Variants in BCAS3 observed in about 807,000 individuals in gnomAD.
BCAS3 encodes the protein BCAS3 microtubule associated cell migration factor, also known as BCAS4/BCAS3 fusion.
A neutral mutation model predicts 116.1 loss-of-function variants in BCAS3; 53 were observed. The observed-to-expected ratio is 0.46, with a 90% CI of 0.37 to 0.57. The LOEUF (loss-of-function observed/expected upper bound fraction) is 0.57. BCAS3 is among the 20% of genes least tolerant of loss of function. BCAS3 has a pLI of 0.00. For missense variants in BCAS3, 917 were observed against 1,165.4 expected, an observed-to-expected ratio of 0.79 and a Z score of 3.10; for synonymous variants, 391 against 408.2, an observed-to-expected ratio of 0.96 and a Z score of 0.51.
intron 13 of BCAS3, among the ~76,000 whole-genome samples, chr17:60,942,873 T>C (rs2060297732): frequency 2.0e-5 from 3 of 152,100 alleles, no homozygotes; most frequent in African/African-American, 7.2e-5. Flanking sequence ...GTAGAAACCA[T>C]CCTTCCCATA....
At chr17:61,048,528 A>G (rs2068553363) in intron 19 of BCAS3, among the ~76,000 whole-genome samples, 1 of 152,014 alleles carries the variant, frequency 6.6e-6, no homozygotes, top group African/African-American at 2.4e-5. Flanking sequence ...GGTGTCGGCA[A>G]ATTACCATGT....
intron 7 of BCAS3, 157 bp downstream of exon 7, chr17:60,808,233 A>T (rs1359442147): frequency 1.8e-6 from 1 of 563,288 alleles, no homozygotes; most frequent in Non-Finnish European, 3.1e-6. Context: ...TTCCAACAGT[A>T]AATGACATTT....
At chr17:60,736,892 C>T (rs1437662009) in intron 5 of BCAS3, among the ~76,000 whole-genome samples, 5 of 130,488 alleles carry the variant, frequency 3.8e-5, no homozygotes, top group East Asian at 5.1e-4. Context: ...CTCCCTCCCT[C>T]CCTCCCTTCC....
chr17:60,715,548 G>C (rs758824033), intron 5 of BCAS3, among the ~76,000 whole-genome samples: 24 of 151,926 alleles, frequency 1.6e-4, no homozygotes, highest in Non-Finnish European at 3.4e-4. Context: ...GAGTGCAGTA[G>C]CGCAATCTCA....
chr17:60,829,521 G>A (rs1473660486), intron 7 of BCAS3, among the ~76,000 whole-genome samples: 2 of 151,480 alleles, frequency 1.3e-5, no homozygotes, highest in Non-Finnish European at 1.5e-5. Flanking sequence ...AGAGAAGGTA[G>A]TTAGATAAAG....
intron 22 of BCAS3, among the ~76,000 whole-genome samples, chr17:61,184,111 T>C (rs2079630579): frequency 6.6e-6 from 1 of 152,174 alleles, no homozygotes; most frequent in African/African-American, 2.4e-5. Context: ...GACATTTTAG[T>C]TGATGGAAAA....
At chr17:61,345,253 C>T (rs753078479) in intron 22 of BCAS3, among the ~76,000 whole-genome samples, 4 of 152,208 alleles carry the variant, frequency 2.6e-5, no homozygotes, top group African/African-American at 7.2e-5. Context: ...ACTCCGCTTC[C>T]GCTATGCCTG....
At position 61,118,412 on chromosome 17, in the gene BCAS3, C is replaced by A. The variant is rs927779500; in HGVS notation, c.2425+33848C>A. ...GAGAAGGAGTGGTGCCTCCTTACTGCCAAGCAGGGGTGAAAATCCAGACTC... is the reference window on the plus strand; with the variant it reads ...GAGAAGGAGTGGTGCCTCCTTACTGACAAGCAGGGGTGAAAATCCAGACTC... On this transcript the variant is annotated intron_variant, in intron 22 of 23. Coordinates refer to ENST00000407086, the MANE Select transcript of BCAS3 (RefSeq NM_017679.5). This position sits in a 1 kb window ranked among gnomAD's most constrained non-coding sequence, Gnocchi z 5.0. 7.2e-5 allele frequency among the ~76,000 whole-genome samples: 11 copies of A among 152,206 alleles called. No homozygotes were observed. Among genetic ancestry groups the A allele is most frequent in the Non-Finnish European group, 1.2e-4 (8 of 68,028 alleles).
intron 22 of BCAS3, among the ~76,000 whole-genome samples, chr17:61,191,028 C>A (rs375517336): frequency 6.6e-6 from 1 of 151,858 alleles, no homozygotes; most frequent in Non-Finnish European, 1.5e-5. Flanking sequence ...CTATGCATCA[C>A]CACTGTACTC....
At chr17:61,185,916 C>G (rs989490585) in intron 22 of BCAS3, among the ~76,000 whole-genome samples, 1 of 152,106 alleles carries the variant, frequency 6.6e-6, no homozygotes, top group Non-Finnish European at 1.5e-5. Flanking sequence ...CATTTTTCCT[C>G]TTATCCTCAA....
chr17:61,049,756 G>T (rs965945358), intron 19 of BCAS3, among the ~76,000 whole-genome samples: 3 of 139,300 alleles, frequency 2.2e-5, no homozygotes, highest in African/African-American at 8.4e-5. Context: ...TTTTGAGACG[G>T]AGTTTCACTC....
chr17:61,044,465 A>AAAAATATATATATAT lies in BCAS3; in HGVS notation c.2029+3574_2029+3575insAAATATATATATATA. Among the ~76,000 whole-genome samples the AAAAATATATATATAT allele has an allele frequency of 2.3e-4, 28 of 120,114 alleles. 2 individuals are homozygous for AAAAATATATATATAT. Among genetic ancestry groups the AAAAATATATATATAT allele is most frequent in the African/African-American group, 1.2e-3 (25 of 20,050 alleles). The allele number at this position is 120,114 out of a possible 152,430, so 78.8% of individuals were successfully genotyped here. A position where few individuals can be genotyped will look rare whatever the true frequency, so the allele number is the denominator to read the frequency against. On this transcript the variant is annotated intron_variant, in intron 19 of 23. Transcript: ENST00000407086. ...CTGTCTCAAAAAAAAAAAAAAAAAAAATATATATATATATGCCATAAGAAC... is the reference window on the plus strand; with the variant it reads ...CTGTCTCAAAAAAAAAAAAAAAAAAAAAAATATATATATATATATATATATATATGCCATAAGAAC...
intron 6 of BCAS3, among the ~76,000 whole-genome samples, chr17:60,794,035 G>A (rs993780312): frequency 3.9e-5 from 6 of 152,144 alleles, no homozygotes; most frequent in African/African-American, 1.4e-4. Flanking sequence ...CAGTGTAGAA[G>A]TGTTCCCTGA....
chr17:61,207,118 C>G (rs1248533662), intron 22 of BCAS3, among the ~76,000 whole-genome samples: 1 of 152,234 alleles, frequency 6.6e-6, no homozygotes, highest in African/African-American at 2.4e-5. Context: ...TGAACTCTTG[C>G]AGTGTGCCAA....
chr17:61,152,834 A>G (rs1335904993), intron 22 of BCAS3, among the ~76,000 whole-genome samples: 3 of 152,176 alleles, frequency 2.0e-5, no homozygotes, highest in African/African-American at 4.8e-5. Context: ...GCTTACCCCA[A>G]CTGGGGCAAA....
rs971210078 is a variant in BCAS3, at chr17:61,259,377, G to C, written c.2426-108950G>C. Among the ~76,000 whole-genome samples, 4 of 152,114 alleles carry C rather than the reference G, an allele frequency of 2.6e-5. No homozygotes were observed. The highest frequency in any genetic ancestry group is 7.2e-5 in the African/African-American group (3 of 41,422). ...TGGTCAGGGTTCCAGTATGGTTTGT[G>C]CTTTTGTTCCTTCTTGGAGTCCAGC... On this transcript the variant is annotated intron_variant, in intron 22 of 23. Transcript: ENST00000407086. This position sits in a 1 kb window ranked among gnomAD's most constrained non-coding sequence, Gnocchi z 4.7.
chr17:60,806,957 C>T (rs1395938824), intron 6 of BCAS3, among the ~76,000 whole-genome samples: 2 of 152,068 alleles, frequency 1.3e-5, no homozygotes, highest in Non-Finnish European at 2.9e-5. Context: ...GGACTTAGGA[C>T]TTGATGGGAG....
rs1317781713 is a variant in BCAS3 at position 61,380,194 on chromosome 17, G to T, written c.2593+11700G>T. On this transcript the variant is annotated intron_variant, in intron 23 of 23. Coordinates refer to ENST00000407086, the MANE Select transcript of BCAS3 (RefSeq NM_017679.5). This position sits in a 1 kb window ranked among gnomAD's most constrained non-coding sequence, Gnocchi z 4.2. ...TGAGAGGAGGAAGAAAATCTGAGGGGTTACCCAGGATGCCGGCTTTCTCTC... is the reference window on the plus strand; with the variant it reads ...TGAGAGGAGGAAGAAAATCTGAGGGTTTACCCAGGATGCCGGCTTTCTCTC... The T allele has an allele frequency of 3.0e-6, 1 of 336,264 alleles. No homozygotes were observed. Among genetic ancestry groups the T allele is most frequent in the East Asian group, 6.1e-5 (1 of 16,386 alleles). The allele number at this position is 336,264 out of a possible 1,614,324, so 20.8% of individuals were successfully genotyped here. A position where few individuals can be genotyped will look rare whatever the true frequency, so the allele number is the denominator to read the frequency against.
chr17:61,109,283 T>TTG (rs113547904), intron 22 of BCAS3, among the ~76,000 whole-genome samples: 8,975 of 145,302 alleles, frequency 0.062, 406 homozygotes, highest in East Asian at 0.12. Context: ...AGTATTCCAT[T>TTG]TGTGTGTGTG....
Sources: allele counts gnomAD v4.1 joint callset (sites outside exome capture counted in the v4.1 genomes callset), GRCh38; gene constraint gnomAD v4.1.1; non-coding constraint Gnocchi (gnomAD v3.1); transcripts MANE v1.5; gene names NCBI Gene and HGNC (gene_info 2026-07-23, HGNC 2026-07-21).